CAMK1D: variants seen among roughly 807,000 people sequenced by gnomAD.
CAMK1D encodes the protein calcium/calmodulin dependent protein kinase ID, also known as calcium/calmodulin-dependent protein kinase type 1D.
In CAMK1D, 9 loss-of-function variants were observed where a neutral mutation model predicts 47.7. The observed-to-expected ratio is 0.19, with a 90% CI of 0.11 to 0.33. CAMK1D has a LOEUF of 0.33. CAMK1D is among the 10% of genes least tolerant of loss of function. The pLI, the probability that CAMK1D is intolerant of heterozygous loss-of-function variation, is 1.00. For synonymous variants in CAMK1D, 184 were observed against 184.9 expected (o/e 0.99, Z 0.04); for missense variants, 291 against 488.7 (o/e 0.60, Z 3.81).
At chr10:12,716,319 TC>T in intron 3 of CAMK1D, among the ~76,000 whole-genome samples, 2 of 152,184 alleles carry the variant, frequency 1.3e-5, no homozygotes, top group African/African-American at 4.8e-5. Flanking sequence ...GCCAGTAGCA[TC>T]CCCGGTCTCC....
At chr10:12,523,113 C>A (rs1440813113) in intron 1 of CAMK1D, among the ~76,000 whole-genome samples, 2 of 147,966 alleles carry the variant, frequency 1.4e-5, no homozygotes, top group African/African-American at 2.5e-5. Flanking sequence ...TCAGACGGGG[C>A]GGCTGGGCAG....
At chr10:12,810,120 G>A (rs1832538303) in intron 6 of CAMK1D, among the ~76,000 whole-genome samples, 1 of 133,852 alleles carries the variant, frequency 7.5e-6, no homozygotes, top group Non-Finnish European at 1.5e-5. Flanking sequence ...CTGCATTCCA[G>A]TCTGGGTGAC....
chr10:12,516,200 C>T lies in CAMK1D; in HGVS notation c.93-37025C>T, dbSNP rs138178615. On this transcript the variant is annotated intron_variant, in intron 1 of 10. Transcript: ENST00000619168. ...TCTTGATTTACTGCAAGCTCTGCCT[C>T]CTGGGTTCAAGCAATTCTCTGCCTC... is the stretch of plus-strand genomic sequence containing the variant. Among the ~76,000 whole-genome samples, 18 of 152,250 alleles carry T rather than the reference C, an allele frequency of 1.2e-4. No homozygotes were observed. The East Asian group carries it at 3.5e-3, about 29-fold the overall frequency.
At chr10:12,733,635 C>T (rs902459601) in intron 3 of CAMK1D, among the ~76,000 whole-genome samples, 2 of 152,198 alleles carry the variant, frequency 1.3e-5, no homozygotes, top group Non-Finnish European at 2.9e-5. Context: ...CTAGAAACAT[C>T]AGAATTAAAA....
chr10:12,769,643 T>G (rs750652722), intron 4 of CAMK1D, 30 bp from the exon 5 acceptor site: 3 of 1,612,442 alleles, frequency 1.9e-6, no homozygotes, highest in African/African-American at 1.3e-5. Context: ...ACACGTAGTT[T>G]GTAATGTTTT....
intron 1 of CAMK1D, among the ~76,000 whole-genome samples, chr10:12,493,254 C>T (rs1014522512): frequency 2.2e-4 from 33 of 152,062 alleles, no homozygotes; most frequent in Admixed American, 5.9e-4. Flanking sequence ...GGTTGAGGAG[C>T]GCAGACTGAA....
At chr10:12,536,258 G>C (rs1205122405) in intron 1 of CAMK1D, among the ~76,000 whole-genome samples, 3 of 151,582 alleles carry the variant, frequency 2.0e-5, no homozygotes, top group African/African-American at 7.3e-5. Context: ...TATGGATCTA[G>C]CCATACTTCA....
chr10:12,816,072 C>T (rs1435024243), intron 7 of CAMK1D, among the ~76,000 whole-genome samples, 178 bp from the exon 8 acceptor site: 1 of 152,286 alleles, frequency 6.6e-6, no homozygotes, highest in East Asian at 1.9e-4. Flanking sequence ...GTGCCAAGTC[C>T]TGGCTTTCCT....
intron 5 of CAMK1D, among the ~76,000 whole-genome samples, chr10:12,784,642 T>A (rs77192679): frequency 1.3e-5 from 2 of 152,240 alleles, no homozygotes; most frequent in African/African-American, 2.4e-5. Flanking sequence ...CTGCTCTTGC[T>A]TTTACCTAAT....
intron 3 of CAMK1D, among the ~76,000 whole-genome samples, chr10:12,699,823 A>C (rs78417342): frequency 0.012 from 1,841 of 152,310 alleles, 40 homozygotes; most frequent in African/African-American, 0.042. Flanking sequence ...TGATTTCACC[A>C]TTCCTCCACA....
At chr10:12,634,758 G>T (rs571887580) in intron 2 of CAMK1D, among the ~76,000 whole-genome samples, 1 of 152,038 alleles carries the variant, frequency 6.6e-6, no homozygotes, top group East Asian at 1.9e-4. Flanking sequence ...TCTTCCTGCC[G>T]GCCCATCAGC....
intron 3 of CAMK1D, among the ~76,000 whole-genome samples, chr10:12,712,624 A>C (rs1833978590): frequency 6.6e-6 from 1 of 152,132 alleles, no homozygotes; most frequent in African/African-American, 2.4e-5. Context: ...AGGGACACTA[A>C]TCGCATCCTG....
At chr10:12,717,114 G>A (rs1473584895) in intron 3 of CAMK1D, among the ~76,000 whole-genome samples, 2 of 152,124 alleles carry the variant, frequency 1.3e-5, no homozygotes, top group Non-Finnish European at 2.9e-5. Flanking sequence ...TTATTCAGCA[G>A]ACATAATATC....
chr10:12,443,918 C>A (rs1388426646), intron 1 of CAMK1D, among the ~76,000 whole-genome samples: 1 of 152,238 alleles, frequency 6.6e-6, no homozygotes, highest in Non-Finnish European at 1.5e-5. Context: ...GCATGAGCCA[C>A]TGTGCCCAGC....
chr10:12,745,206 A>T (rs976475093), intron 3 of CAMK1D, among the ~76,000 whole-genome samples: 4 of 151,876 alleles, frequency 2.6e-5, no homozygotes, highest in African/African-American at 9.7e-5. Context: ...AATTTTTTGT[A>T]TTTTTAGTAG....
chr10:12,665,375 T>C (rs937832753), intron 2 of CAMK1D, among the ~76,000 whole-genome samples: 3 of 152,258 alleles, frequency 2.0e-5, no homozygotes, highest in Non-Finnish European at 4.4e-5. Flanking sequence ...ATCACACATT[T>C]AGGAAAATGG....
At chr10:12,393,564 G>A (rs940206786) in intron 1 of CAMK1D, among the ~76,000 whole-genome samples, 4 of 152,202 alleles carry the variant, frequency 2.6e-5, no homozygotes, top group Non-Finnish European at 5.9e-5. Context: ...GACATTCAGC[G>A]AATTAAGTGG....
intron 2 of CAMK1D, among the ~76,000 whole-genome samples, chr10:12,665,708 A>C (rs1470583033): frequency 6.6e-6 from 1 of 152,220 alleles, no homozygotes; most frequent in East Asian, 1.9e-4. Flanking sequence ...AACTGCTCTT[A>C]ATGGATAGTG....
chr10:12,378,510 T>C (rs1234185533), intron 1 of CAMK1D, among the ~76,000 whole-genome samples: 1 of 151,512 alleles, frequency 6.6e-6, no homozygotes, highest in Non-Finnish European at 1.5e-5. Context: ...GTTGGGATTA[T>C]AGGTACGAAC....
Sources: allele counts gnomAD v4.1 joint callset (sites outside exome capture counted in the v4.1 genomes callset), GRCh38; gene constraint gnomAD v4.1.1; transcripts MANE v1.5; gene names NCBI Gene and HGNC (gene_info 2026-07-23, HGNC 2026-07-21).